Variants in ARIH1 observed in about 807,000 individuals in gnomAD.
ARIH1 encodes E3 ubiquitin-protein ligase ARIH1.
In ARIH1, 8 loss-of-function variants were observed where a neutral mutation model predicts 85.0. The ratio of observed to expected loss-of-function variants is 0.09; its 90% CI spans 0.06 to 0.17. The LOEUF (loss-of-function observed/expected upper bound fraction) is 0.17. Among genes scored for constraint, ARIH1 ranks in the 10% least tolerant of loss-of-function variants. The probability of loss-of-function intolerance (pLI) is 1.00; values close to 1 mark genes in which losing one functional copy is unlikely to be tolerated. For synonymous variants in ARIH1, 238 were observed against 253.6 expected (o/e 0.94, Z 0.59); for missense variants, 311 against 718.1 (o/e 0.43, Z 6.48).
rs1287261301 is a variant in ARIH1 at position 72,592,652 on chromosome 15, A to G, written c.*9360A>G. 1.3e-5 allele frequency: 2 copies of G among 152,240 alleles called. No individual in the cohort carries two copies. Among genetic ancestry groups the G allele is most frequent in the East Asian group, 1.9e-4 (1 of 5,206 alleles). The allele number at this position is 152,240 out of a possible 1,614,324, so 9.4% of individuals were successfully genotyped here. Reference sequence around the variant, plus strand: ...TGTTGTACCTGCTTTTGGATTACATATAAGTGGAATCATATAATAATGTAC... The same window carrying G: ...TGTTGTACCTGCTTTTGGATTACATGTAAGTGGAATCATATAATAATGTAC... On this transcript the variant is annotated 3_prime_UTR_variant, in exon 14 of 14. Transcript: ENST00000379887.
intron 3 of ARIH1, among the ~76,000 whole-genome samples, chr15:72,553,736 G>GTTTCTAC (rs770580628): frequency 8.7e-4 from 133 of 152,300 alleles, no homozygotes; most frequent in South Asian, 1.5e-3. Flanking sequence ...TGGCAATATG[G>GTTTCTAC]TGAAACCCTG....
intron 1 of ARIH1, among the ~76,000 whole-genome samples, chr15:72,485,908 A>T (rs1241510983): frequency 6.6e-6 from 1 of 152,200 alleles, no homozygotes; most frequent in Non-Finnish European, 1.5e-5. Context: ...ATTGGATGAG[A>T]TAGTAATCAG....
At chr15:72,487,322 A>G (rs867296366) in intron 1 of ARIH1, among the ~76,000 whole-genome samples, 3 of 152,200 alleles carry the variant, frequency 2.0e-5, no homozygotes, top group South Asian at 4.1e-4. Flanking sequence ...TGTCATACTT[A>G]TAACTCAGAT....
At chr15:72,577,866 T>C (rs2064278800) in intron 11 of ARIH1, among the ~76,000 whole-genome samples, 1 of 152,154 alleles carries the variant, frequency 6.6e-6, no homozygotes, top group Non-Finnish European at 1.5e-5. Context: ...ACGAACCGTT[T>C]TGCATTTTCA....
In ARIH1 at chr15:72,588,595, A is replaced by C. The variant is rs1019080340; in HGVS notation, c.*5303A>C. 2.6e-5 allele frequency: 4 copies of C among 152,168 alleles called. No individual in the cohort carries two copies. Among genetic ancestry groups the C allele is most frequent in the African/African-American group, 9.7e-5 (4 of 41,436 alleles). The allele number at this position is 152,168 out of a possible 1,614,324, so 9.4% of individuals were successfully genotyped here. A position where few individuals can be genotyped will look rare whatever the true frequency, so the allele number is the denominator to read the frequency against. On this transcript the variant is annotated 3_prime_UTR_variant, in exon 14 of 14. Coordinates refer to ENST00000379887, the MANE Select transcript of ARIH1 (RefSeq NM_005744.5). ...TATAGGCGAGCAACTCCAGATCATAAGGGACAAAATGATTCAAGGCAAATT... is the reference window on the plus strand; with the variant it reads ...TATAGGCGAGCAACTCCAGATCATACGGGACAAAATGATTCAAGGCAAATT...
At chr15:72,493,429 A>G (rs993706696) in intron 1 of ARIH1, among the ~76,000 whole-genome samples, 6 of 152,288 alleles carry the variant, frequency 3.9e-5, no homozygotes, top group African/African-American at 4.8e-5. Flanking sequence ...CTACAGCAGC[A>G]CATGTGCACC....
intron 2 of ARIH1, among the ~76,000 whole-genome samples, chr15:72,541,071 A>T (rs549744340): frequency 6.6e-6 from 1 of 152,310 alleles, no homozygotes; most frequent in African/African-American, 2.4e-5. Flanking sequence ...GAAGGCCTGG[A>T]GCTCTGGGAG....
intron 2 of ARIH1, among the ~76,000 whole-genome samples, chr15:72,538,044 G>A (rs1360935843): frequency 2.6e-5 from 4 of 152,154 alleles, no homozygotes; most frequent in Admixed American, 2.6e-4. Flanking sequence ...AGACTGGATA[G>A]GAGGATTGAG....
chr15:72,497,928 A>C lies in ARIH1; in HGVS notation c.376-20139A>C, dbSNP rs183730902. 2.8e-3 allele frequency among the ~76,000 whole-genome samples: 419 copies of C among 152,304 alleles called. 11 individuals carry two copies. The South Asian group carries it at 0.034, about 12-fold the overall frequency. On this transcript the variant is annotated intron_variant, in intron 1 of 13. Transcript: ENST00000379887. ...AAACTCCATATACTATATTGAGGAG[A>C]TCTAGTTTCTTGAATGTGGAAGTGA...
chr15:72,563,716 A>AT (rs991908383), intron 7 of ARIH1, among the ~76,000 whole-genome samples: 29 of 151,412 alleles, frequency 1.9e-4, no homozygotes, highest in Non-Finnish European at 3.1e-4. Flanking sequence ...ACTTTTTTGA[A>AT]TTTTTTTTTA....
chr15:72,581,062 ATACAGAGTT>A, intron 12 of ARIH1, 71 bp downstream of exon 12: 1 of 1,486,474 alleles, frequency 6.7e-7, no homozygotes, highest in Admixed American at 2.1e-5. Context: ...CATATATAAG[ATACAGAGTT>A]TTCAGGGTTC....
chr15:72,481,699 TAATG>T lies in ARIH1; in HGVS notation c.375+6686_375+6689del, dbSNP rs943166729. Among the ~76,000 whole-genome samples the T allele has an allele frequency of 1.3e-4, 19 of 151,994 alleles. 1 individual carries two copies. Among genetic ancestry groups the T allele is most frequent in the Admixed American group, 2.6e-4 (4 of 15,250 alleles). On this transcript the variant is annotated intron_variant, in intron 1 of 13. Transcript: ENST00000379887. ...AGACTCTACTTCAAAAAAAAGGTAA[TAATG>T]GGAAAATTTCCAGAACCTAGGCAAC...
intron 1 of ARIH1, among the ~76,000 whole-genome samples, chr15:72,484,186 AAAAG>A (rs1287321508): frequency 1.3e-5 from 2 of 151,486 alleles, no homozygotes; most frequent in Admixed American, 6.6e-5. Flanking sequence ...AAAAAAAAAA[AAAAG>A]AAGAAAAGAA....
chr15:72,513,036 A>G (rs1390861726), intron 1 of ARIH1, among the ~76,000 whole-genome samples: 1 of 151,968 alleles, frequency 6.6e-6, no homozygotes, highest in Admixed American at 6.6e-5. Context: ...TTTAATCTGT[A>G]TATATCAATC....
At chr15:72,481,812 G>A (rs2063817482) in intron 1 of ARIH1, among the ~76,000 whole-genome samples, 2 of 152,108 alleles carry the variant, frequency 1.3e-5, no homozygotes, top group Admixed American at 6.6e-5. Context: ...CAGCTAAGGT[G>A]GTCTTTACTC....
At chr15:72,513,705 C>CTCCCTCCCTCCCCCTGTCCCTCCT (rs1337817617) in intron 1 of ARIH1, among the ~76,000 whole-genome samples, 1 of 77,960 alleles carries the variant, frequency 1.3e-5, no homozygotes, top group Non-Finnish European at 2.6e-5. Context: ...CCCCCTCTCC[C>CTCCCTCCCTCCCCCTGTCCCTCCT]TCCCTCCCTC....
At chr15:72,494,297 T>C (rs900138896) in intron 1 of ARIH1, among the ~76,000 whole-genome samples, 1 of 152,190 alleles carries the variant, frequency 6.6e-6, no homozygotes, top group Non-Finnish European at 1.5e-5. Flanking sequence ...TGTTTCATAG[T>C]AGAAGCATAA....
rs1467806926 is a variant in ARIH1, at chr15:72,594,225, A to G, written c.*10933A>G. 1 of 144,620 alleles carries G rather than the reference A, an allele frequency of 6.9e-6. No homozygotes were observed. The highest frequency in any genetic ancestry group is 1.5e-5 in the Non-Finnish European group (1 of 66,880). 9.0% of individuals were successfully genotyped at this position (144,620 alleles called of 1,614,324 possible). ...GCTCTTGTTGGCTAGGCTGGAGTGC[A>G]GTGGCGCGATCTTGGCTCACTGCAA... On this transcript the variant is annotated 3_prime_UTR_variant, in exon 14 of 14. Transcript: ENST00000379887.
intron 10 of ARIH1, among the ~76,000 whole-genome samples, chr15:72,571,638 C>T (rs184295813): frequency 1.3e-5 from 2 of 152,082 alleles, no homozygotes. Context: ...TGTTGGTTCT[C>T]TGTGGTTTAT....
Sources: allele counts gnomAD v4.1 joint callset (sites outside exome capture counted in the v4.1 genomes callset), GRCh38; gene constraint gnomAD v4.1.1; transcripts MANE v1.5; gene names NCBI Gene and HGNC (gene_info 2026-07-23, HGNC 2026-07-21).